EYS: variants seen among roughly 807,000 people sequenced by gnomAD.
EYS encodes the protein EGF-like photoreceptor maintenance factor, also known as protein eyes shut homolog.
EYS carries 250 observed loss-of-function variants against 282.1 expected under a neutral mutation model. That is an observed-to-expected ratio of 0.89 (90% CI 0.80 to 0.98). EYS has a LOEUF of 0.98. Among genes scored for constraint, EYS ranks in the 50% least tolerant of loss-of-function variants. The probability of loss-of-function intolerance (pLI) is 0.00; values close to 1 mark genes in which losing one functional copy is unlikely to be tolerated. For synonymous variants in EYS, 1,355 were observed against 1,282.9 expected (o/e 1.06, Z -1.20); for missense variants, 4,016 against 3,709.0 (o/e 1.08, Z -2.15).
chr6:65,000,230 T>C (rs1370052195), intron 13 of EYS, among the ~76,000 whole-genome samples: 1 of 152,140 alleles, frequency 6.6e-6, no homozygotes, highest in Non-Finnish European at 1.5e-5. Flanking sequence ...CCACTCCCCC[T>C]GTCACACACC....
At position 64,206,456 on chromosome 6, in the gene EYS, T is replaced by C. The variant is rs115100885; in HGVS notation, c.6424+24136A>G. Among the ~76,000 whole-genome samples the C allele has an allele frequency of 8.6e-3, 1,316 of 152,356 alleles. 26 individuals are homozygous for C. Among genetic ancestry groups the C allele is most frequent in the African/African-American group, 0.029 (1,206 of 41,594 alleles). The stretch of plus-strand genomic sequence containing the variant: ...ATTCTCTAATTTCAACTCATTGTTA[T>C]GTGGTTTAAAGTTGCTAGATCAGTG... On this transcript the variant is annotated intron_variant, in intron 31 of 42. Transcript: ENST00000503581.
intron 5 of EYS, among the ~76,000 whole-genome samples, chr6:65,441,205 A>G (rs1042984510): frequency 6.6e-6 from 1 of 151,678 alleles, no homozygotes. Context: ...TCAACATAGC[A>G]TAATACTAAA....
chr6:65,547,570 T>C (rs997841811), intron 2 of EYS, among the ~76,000 whole-genome samples: 30 of 152,160 alleles, frequency 2.0e-4, no homozygotes, highest in African/African-American at 7.0e-4. Flanking sequence ...AGTGTCTGTA[T>C]TGTATTGGGA....
chr6:63,910,435 T>C (rs1248545324), intron 35 of EYS, among the ~76,000 whole-genome samples: 3 of 152,178 alleles, frequency 2.0e-5, no homozygotes, highest in African/African-American at 7.2e-5. Context: ...AAGGTCATGG[T>C]AAAAATAAAT....
intron 19 of EYS, among the ~76,000 whole-genome samples, chr6:64,864,974 G>A (rs1766380472): frequency 6.6e-6 from 1 of 152,046 alleles, no homozygotes; most frequent in African/African-American, 2.4e-5. Flanking sequence ...AGAGGTTGCA[G>A]TGAGCCTAGA....
intron 1 of EYS, among the ~76,000 whole-genome samples, chr6:65,658,766 A>G (rs1330357298): frequency 6.6e-6 from 1 of 151,502 alleles, no homozygotes; most frequent in African/African-American, 2.4e-5. Flanking sequence ...GAGCATCTCC[A>G]CCTCCCTACT....
intron 12 of EYS, among the ~76,000 whole-genome samples, chr6:65,268,877 G>C (rs1767827595): frequency 6.6e-6 from 1 of 151,458 alleles, no homozygotes; most frequent in Admixed American, 6.6e-5. Flanking sequence ...TCCTACTAAT[G>C]GTTAGCTTTA....
Position 65,402,558 on chromosome 6 carries a change from C to A in EYS, c.1104G>T (p.Lys368Asn). Residue 368 changes from lysine (K) to asparagine (N), a missense_variant, in exon 7 of 43, where the codon AAG becomes AAT. Transcript: ENST00000503581. ...ATGACTCACATGATGTTTGAATGCT[C>A]TTACAAAGCAAATCTGTAAATATTG... ...CSPIFTDLLC[K>N]SIQTSCESFP... 6.3e-7 allele frequency: 1 copy of A among 1,578,740 alleles called. No individual in the cohort carries two copies. Among genetic ancestry groups the A allele is most frequent in the South Asian group, 1.1e-5 (1 of 90,164 alleles).
chr6:65,183,924 G>C lies in EYS; in HGVS notation c.2023+111939C>G, dbSNP rs190765345. The stretch of plus-strand genomic sequence containing the variant: ...AACAAACATTTTAAGCTGAAATACA[G>C]TGTGTCTATACTGCACTTCAAGAAA... On this transcript the variant is annotated intron_variant, in intron 12 of 42. Transcript: ENST00000503581. Among the ~76,000 whole-genome samples the C allele has an allele frequency of 1.0e-3, 154 of 151,982 alleles. 1 individual carries two copies. Among genetic ancestry groups the C allele is most frequent in the African/African-American group, 3.5e-3 (145 of 41,526 alleles).
At chr6:63,895,699 A>G (rs1773518548) in intron 35 of EYS, among the ~76,000 whole-genome samples, 1 of 148,728 alleles carries the variant, frequency 6.7e-6, no homozygotes, top group African/African-American at 2.6e-5. Flanking sequence ...CTTGCCTTAC[A>G]TACTATTTAA....
rs557340100 is a variant in EYS at position 65,057,677 on chromosome 6, T to A, written c.2074A>T (p.Asn692Tyr). The A allele has an allele frequency of 6.4e-7, 1 of 1,551,244 alleles. No individual in the cohort carries two copies. The highest frequency in any genetic ancestry group is 2.4e-5 in the East Asian group (1 of 40,876). ...IDECASHPCK[N>Y]GATCIDQPGN... ...GGTTGGTCAATGCAGGTGGCTCCAT[T>A]TTTGCAGGGATGTGAAGCACACTCA... Residue 692 changes from asparagine to tyrosine, a missense_variant, in exon 13 of 43, where the codon AAT becomes TAT. Asn to Tyr is a moderately radical substitution (Grantham distance 143, BLOSUM62 -2). Transcript: ENST00000503581.
chr6:65,698,473 A>G (rs2149850079), intron 1 of EYS, among the ~76,000 whole-genome samples: 1 of 152,304 alleles, frequency 6.6e-6, no homozygotes, highest in South Asian at 2.1e-4. Context: ...TTATAAATCA[A>G]AAAGAGATAA....
At chr6:64,817,017 G>A (rs1764758088) in intron 21 of EYS, among the ~76,000 whole-genome samples, 1 of 151,560 alleles carries the variant, frequency 6.6e-6, no homozygotes, top group Admixed American at 6.6e-5. Context: ...TGATTAAGTG[G>A]AAAAGCAAGG....
chr6:64,389,789 C>G (rs1773045032), intron 28 of EYS, among the ~76,000 whole-genome samples: 1 of 152,140 alleles, frequency 6.6e-6, no homozygotes, highest in African/African-American at 2.4e-5. Context: ...TGAATAGGAA[C>G]AGCTCCGGTC....
intron 12 of EYS, among the ~76,000 whole-genome samples, chr6:65,099,576 C>A (rs533252907): frequency 6.6e-6 from 1 of 150,442 alleles, no homozygotes; most frequent in Non-Finnish European, 1.5e-5. Flanking sequence ...GGGATGAACA[C>A]TGCAAAATAA....
At chr6:64,506,971 GT>G (rs36120803) in intron 26 of EYS, among the ~76,000 whole-genome samples, 34,240 of 117,474 alleles carry the variant, frequency 0.29, 4,357 homozygotes, top group East Asian at 0.41. Context: ...TCCAGTTTCA[GT>G]TTTTTTTTTT....
At chr6:65,329,421 G>C in intron 11 of EYS, 8 of 925,350 alleles carry the variant, frequency 8.6e-6, no homozygotes, top group Non-Finnish European at 9.0e-6. Flanking sequence ...AAGATTATTT[G>C]GTTTTCTAGA....
chr6:65,507,720 C>A (rs996457023), intron 2 of EYS, among the ~76,000 whole-genome samples: 1 of 152,096 alleles, frequency 6.6e-6, no homozygotes, highest in Non-Finnish European at 1.5e-5. Flanking sequence ...TATGTCCATT[C>A]TCTAATGAAC....
At chr6:65,033,456 C>T (rs1028339153) in intron 13 of EYS, among the ~76,000 whole-genome samples, 2 of 152,134 alleles carry the variant, frequency 1.3e-5, no homozygotes, top group African/African-American at 4.8e-5. Flanking sequence ...AGGACAGAAT[C>T]GTTTCATAGG....
Sources: allele counts gnomAD v4.1 joint callset (sites outside exome capture counted in the v4.1 genomes callset), GRCh38; gene constraint gnomAD v4.1.1; transcripts MANE v1.5; gene names NCBI Gene and HGNC (gene_info 2026-07-23, HGNC 2026-07-21).